The following KAZN variants were observed in gnomAD, a reference collection of about 807,000 sequenced individuals.
The protein encoded by KAZN is kazrin, periplakin interacting protein, also known as kazrin.
A neutral mutation model predicts 87.4 loss-of-function variants in KAZN; 40 were observed. That is an observed-to-expected ratio of 0.46 (90% CI 0.36 to 0.60). The LOEUF (loss-of-function observed/expected upper bound fraction) is 0.60. Ranked by LOEUF, KAZN falls within the 20% of genes least tolerant of loss-of-function variation. KAZN has a pLI of 0.00. For synonymous variants in KAZN, 466 were observed against 458.3 expected, an observed-to-expected ratio of 1.02 and a Z score of -0.22; for missense variants, 898 against 1,073.9, an observed-to-expected ratio of 0.84 and a Z score of 2.29.
intron 2 of KAZN, among the ~76,000 whole-genome samples, chr1:14,340,969 C>A (rs1386995093): frequency 7.4e-6 from 1 of 135,970 alleles, no homozygotes; most frequent in Non-Finnish European, 1.5e-5. Flanking sequence ...CTCACTGCAA[C>A]CTCTGCCTCC....
chr1:14,421,719 G>C (rs547308002), intron 2 of KAZN, among the ~76,000 whole-genome samples: 1 of 152,212 alleles, frequency 6.6e-6, no homozygotes, highest in African/African-American at 2.4e-5. Flanking sequence ...GATTTTGAGA[G>C]TGGGCATGTG....
chr1:14,128,818 G>A (rs1644929350), intron 1 of KAZN, among the ~76,000 whole-genome samples: 2 of 152,072 alleles, frequency 1.3e-5, no homozygotes, highest in African/African-American at 2.4e-5. Flanking sequence ...CAGAATAGAT[G>A]TCACACATTA....
chr1:14,604,350 C>G (rs756679836), intron 1 of KAZN, among the ~76,000 whole-genome samples: 1 of 152,168 alleles, frequency 6.6e-6, no homozygotes, highest in Non-Finnish European at 1.5e-5. Context: ...TTCATAGCAG[C>G]TAAGAGTTCT....
At chr1:14,587,737 G>T (rs902556490) in intron 2 of KAZN, among the ~76,000 whole-genome samples, 1 of 152,032 alleles carries the variant, frequency 6.6e-6, no homozygotes, top group East Asian at 1.9e-4. Flanking sequence ...GACATCGGCC[G>T]CCATGATCCA....
chr1:14,355,513 G>T lies in KAZN; in HGVS notation c.249+174921G>T, dbSNP rs1228049491. On this transcript the variant is annotated intron_variant, in intron 2 of 16. Transcript: ENST00000636203. Reference sequence around the variant, plus strand: ...ACATAAGTATACATGTCCCATGGTGGTTTGCTGCAACCATCAACCCGTCAT... The same window carrying T: ...ACATAAGTATACATGTCCCATGGTGTTTTGCTGCAACCATCAACCCGTCAT... 4.6e-5 allele frequency among the ~76,000 whole-genome samples: 7 copies of T among 152,102 alleles called. No individual in the cohort carries two copies. In the East Asian group the frequency reaches 1.4e-3, roughly 29 times the overall value.
At chr1:15,080,745 A>G (rs1639960335) in intron 8 of KAZN, among the ~76,000 whole-genome samples, 1 of 152,214 alleles carries the variant, frequency 6.6e-6, no homozygotes, top group Non-Finnish European at 1.5e-5. Flanking sequence ...TCCCAAGGGC[A>G]GGGAGTGTTG....
chr1:14,601,350 G>A (rs1235359394), intron 1 of KAZN, among the ~76,000 whole-genome samples: 2 of 152,176 alleles, frequency 1.3e-5, no homozygotes, highest in Non-Finnish European at 2.9e-5. Flanking sequence ...AAGAAAACAA[G>A]CCCCCGTATA....
intron 8 of KAZN, among the ~76,000 whole-genome samples, chr1:15,080,842 A>G (rs1357293618): frequency 1.3e-5 from 2 of 152,106 alleles, no homozygotes; most frequent in Non-Finnish European, 2.9e-5. Context: ...CCTGTGCCTT[A>G]GGGCATGCTG....
At chr1:14,991,187 T>A (rs1447444630) in intron 2 of KAZN, among the ~76,000 whole-genome samples, 1 of 151,814 alleles carries the variant, frequency 6.6e-6, no homozygotes, top group African/African-American at 2.4e-5. Flanking sequence ...ACCCCATCTC[T>A]AATAAAAATA....
At chr1:15,054,740 A>G (rs945500980) in intron 4 of KAZN, among the ~76,000 whole-genome samples, 2 of 152,230 alleles carry the variant, frequency 1.3e-5, no homozygotes, top group South Asian at 4.1e-4. Context: ...AGAATTTGAG[A>G]TCACTTCTAA....
intron 2 of KAZN, among the ~76,000 whole-genome samples, chr1:14,218,223 A>G (rs1049948722): frequency 1.3e-5 from 2 of 152,150 alleles, no homozygotes; most frequent in African/African-American, 4.8e-5. Context: ...CTGGCATGGA[A>G]GAAAGTAAAT....
In KAZN at chr1:14,675,830, C is replaced by A. The variant is rs10927496; in HGVS notation, c.226+76607C>A. On this transcript the variant is annotated intron_variant, in intron 1 of 14. Transcript: ENST00000376030. ...AATAGCCAAGGTTGTTCTCAGAGAA[C>A]CTTCTGGCCCTGTGTTTGATAGAAT... is the stretch of plus-strand genomic sequence containing the variant. Among the ~76,000 whole-genome samples, 147 of 152,250 alleles carry A rather than the reference C, an allele frequency of 9.7e-4. 3 individuals are homozygous for A. The South Asian group carries it at 0.028, about 29-fold the overall frequency.
intron 1 of KAZN, among the ~76,000 whole-genome samples, chr1:14,667,041 A>C (rs1031720107): frequency 1.3e-5 from 2 of 152,154 alleles, no homozygotes; most frequent in Non-Finnish European, 2.9e-5. Context: ...TTTAAGGCCC[A>C]CCCTAAATCC....
chr1:15,110,356 GTGTA>G lies in KAZN; in HGVS notation c.2049-2067_2049-2064del, dbSNP rs1303736356. Among the ~76,000 whole-genome samples, 7 of 146,784 alleles carry G rather than the reference GTGTA, an allele frequency of 4.8e-5. 1 individual carries two copies. The highest frequency in any genetic ancestry group is 3.6e-3 in the Middle Eastern group (1 of 280). The stretch of plus-strand genomic sequence containing the variant: ...ATATTGTATATGTGTGTATGTTTGT[GTGTA>G]TGTGTGTATATGTAGTGTGTATTTG... On this transcript the variant is annotated intron_variant, in intron 13 of 14. Transcript: ENST00000376030.
At chr1:14,915,574 T>G (rs1274736144) in intron 1 of KAZN, among the ~76,000 whole-genome samples, 1 of 152,210 alleles carries the variant, frequency 6.6e-6, no homozygotes, top group African/African-American at 2.4e-5. Flanking sequence ...CCAGCAGCAC[T>G]GCTGAGGGTT....
chr1:13,993,386 A>G (rs1156835445), intron 1 of KAZN, among the ~76,000 whole-genome samples: 2 of 152,018 alleles, frequency 1.3e-5, no homozygotes, highest in Admixed American at 1.3e-4. Context: ...AAAGAGCATA[A>G]CTTAAAAAAA....
rs529258325 is a variant in KAZN at position 15,069,334 on chromosome 1, T to C, written c.1222+3581T>C. Among the ~76,000 whole-genome samples, 3 of 152,286 alleles carry C rather than the reference T, an allele frequency of 2.0e-5. No individual in the cohort carries two copies. In the South Asian group the frequency reaches 6.2e-4, roughly 32 times the overall value. ...TAAAGCCTTTTTGCCCTCTCAAAAC[T>C]AACCCCGTCTCTCATGCGGGACATA... On this transcript the variant is annotated intron_variant, in intron 8 of 14. Transcript: ENST00000376030.
At chr1:14,146,705 GAA>G (rs34508324) in intron 1 of KAZN, among the ~76,000 whole-genome samples, 35,308 of 137,088 alleles carry the variant, frequency 0.26, 5,565 homozygotes, top group East Asian at 0.61. Flanking sequence ...GATCATCTCA[GAA>G]AAAAAAAAAA....
At chr1:14,311,055 A>G (rs1215865500) in intron 2 of KAZN, among the ~76,000 whole-genome samples, 1 of 152,182 alleles carries the variant, frequency 6.6e-6, no homozygotes, top group African/African-American at 2.4e-5. Context: ...CTCAGTAAAT[A>G]TTTGAGGTGA....
Sources: gnomAD v4.1 joint callset for allele counts (sites outside exome capture counted in the v4.1 genomes callset) on GRCh38, gnomAD v4.1.1 for gene constraint, MANE v1.5 for transcripts, NCBI Gene and HGNC (gene_info 2026-07-23, HGNC 2026-07-21) for gene names.